ATXN1: variants seen among roughly 807,000 people sequenced by gnomAD.
ATXN1 encodes the protein ataxin-1.
In ATXN1, 8 loss-of-function variants were observed where a neutral mutation model predicts 56.4. The observed-to-expected ratio is 0.14, with a 90% CI of 0.08 to 0.26. ATXN1 has a LOEUF of 0.26. ATXN1 is among the 10% of genes least tolerant of loss of function. The probability of loss-of-function intolerance (pLI) is 1.00; values close to 1 mark genes in which losing one functional copy is unlikely to be tolerated. For synonymous variants in ATXN1, 514 were observed against 494.6 expected, an observed-to-expected ratio of 1.04 and a Z score of -0.52; for missense variants, 987 against 1,106.5, an observed-to-expected ratio of 0.89 and a Z score of 1.53.
At position 16,466,468 on chromosome 6, in the gene ATXN1, C is replaced by A. The variant is rs187949348; in HGVS notation, c.-161+19504G>T. 2.8e-3 allele frequency among the ~76,000 whole-genome samples: 419 copies of A among 151,432 alleles called. 6 individuals are homozygous for A. The South Asian group carries it at 0.029, about 10-fold the overall frequency. On this transcript the variant is annotated intron_variant, in intron 6 of 7. Transcript: ENST00000436367. ...TTTAGGATAGCGCAAGAGGGCAGTA[C>A]AATTGATATTGGCAGAAAAGAGAAA...
At chr6:16,619,964 C>T (rs1367700571) in intron 3 of ATXN1, among the ~76,000 whole-genome samples, 1 of 152,034 alleles carries the variant, frequency 6.6e-6, no homozygotes, top group Non-Finnish European at 1.5e-5. Context: ...CCTCTCTGAG[C>T]CTCAACTTCC....
At chr6:16,510,154 A>G (rs879636597) in intron 5 of ATXN1, among the ~76,000 whole-genome samples, 5 of 152,056 alleles carry the variant, frequency 3.3e-5, no homozygotes, top group Non-Finnish European at 7.4e-5. Context: ...TCCTTTTCAG[A>G]TCATAGGATT....
At chr6:16,729,926 C>G (rs1759930375) in intron 2 of ATXN1, among the ~76,000 whole-genome samples, 2 of 152,188 alleles carry the variant, frequency 1.3e-5, no homozygotes, top group Non-Finnish European at 2.9e-5. Context: ...TACCTTTCTT[C>G]CTTTTTCCCC....
At chr6:16,424,886 T>C (rs1759117774) in intron 6 of ATXN1, among the ~76,000 whole-genome samples, 1 of 152,182 alleles carries the variant, frequency 6.6e-6, no homozygotes, top group African/African-American at 2.4e-5. Context: ...AGTGTCACTG[T>C]TGGTGTTGCG....
chr6:16,303,437 C>G lies in ATXN1; in HGVS notation c.*2892G>C, dbSNP rs1760162609. The G allele has an allele frequency of 6.5e-6, 1 of 152,820 alleles. No individual in the cohort carries two copies. The highest frequency in any genetic ancestry group is 2.4e-5 in the African/African-American group (1 of 41,458). The allele number at this position is 152,820 out of a possible 1,614,324, so 9.5% of individuals were successfully genotyped here. On this transcript the variant is annotated 3_prime_UTR_variant, in exon 8 of 8. Coordinates refer to ENST00000436367, the MANE Select transcript of ATXN1 (RefSeq NM_001128164.2). The surrounding 1 kb of genome is among the most constrained non-coding windows in gnomAD (Gnocchi z 4.3). ...CTCTCTCCCTCCTGGCTCCTTCCCT[C>G]CAGCCCTGCTCTGGCCAGAATGGGG...
intron 2 of ATXN1, chr6:16,739,876 T>TG (rs1561832009): frequency 2.2e-6 from 1 of 457,042 alleles, no homozygotes; most frequent in Admixed American, 2.3e-5. Context: ...ACGAAGATCT[T>TG]GGGGCAAGAA....
At chr6:16,356,093 T>C (rs1674398206) in intron 6 of ATXN1, among the ~76,000 whole-genome samples, 1 of 152,240 alleles carries the variant, frequency 6.6e-6, no homozygotes, top group African/African-American at 2.4e-5. Flanking sequence ...AATATTCCTC[T>C]TGCTCACATC....
chr6:16,462,351 C>G (rs936423760), intron 6 of ATXN1, among the ~76,000 whole-genome samples: 5 of 152,182 alleles, frequency 3.3e-5, no homozygotes, highest in African/African-American at 1.2e-4. Flanking sequence ...ACCTGTGAAC[C>G]ATTGGAAGAT....
chr6:16,348,293 G>T (rs898570185), intron 6 of ATXN1, among the ~76,000 whole-genome samples: 3 of 152,080 alleles, frequency 2.0e-5, no homozygotes, highest in Admixed American at 6.5e-5. Context: ...TCAAACTCCT[G>T]GGCTTAAGCG....
chr6:16,561,553 A>G lies in ATXN1; in HGVS notation c.-361+24227T>C, dbSNP rs571713622. Among the ~76,000 whole-genome samples the G allele has an allele frequency of 2.0e-5, 3 of 152,354 alleles. No homozygotes were observed. In the East Asian group the frequency reaches 5.8e-4, roughly 29 times the overall value. Reference sequence around the variant, plus strand: ...TAAGGACAGGGGTTAAATTCTCAATATACTGTCTCATGAGTACATAGTTTA... The same window carrying G: ...TAAGGACAGGGGTTAAATTCTCAATGTACTGTCTCATGAGTACATAGTTTA... On this transcript the variant is annotated intron_variant, in intron 4 of 7. Coordinates refer to ENST00000436367, the MANE Select transcript of ATXN1 (RefSeq NM_001128164.2).
chr6:16,731,688 T>C (rs1440546222), intron 2 of ATXN1, among the ~76,000 whole-genome samples: 1 of 151,944 alleles, frequency 6.6e-6, no homozygotes, highest in Non-Finnish European at 1.5e-5. Context: ...CCATGATATC[T>C]CTGTATCATG....
At chr6:16,424,340 A>G (rs1223202576) in intron 6 of ATXN1, among the ~76,000 whole-genome samples, 2 of 152,168 alleles carry the variant, frequency 1.3e-5, no homozygotes, top group Non-Finnish European at 2.9e-5. Context: ...GGTGATTTGG[A>G]GCCATTTACG....
chr6:16,330,108 G>A (rs866633928), intron 6 of ATXN1, among the ~76,000 whole-genome samples: 21 of 152,140 alleles, frequency 1.4e-4, no homozygotes, highest in African/African-American at 4.1e-4. Context: ...GAGAGATGGG[G>A]TCTTGCTATG....
intron 6 of ATXN1, among the ~76,000 whole-genome samples, chr6:16,412,476 CA>C (rs1456289517): frequency 6.6e-6 from 1 of 152,102 alleles, no homozygotes; most frequent in Admixed American, 6.6e-5. Context: ...AACCAAACAA[CA>C]AAATAAAACT....
chr6:16,636,831 A>G (rs562133851), intron 3 of ATXN1, among the ~76,000 whole-genome samples: 1 of 152,298 alleles, frequency 6.6e-6, no homozygotes, highest in East Asian at 1.9e-4. Context: ...ACGGCCTGGG[A>G]ATAATAAAGG....
intron 2 of ATXN1, among the ~76,000 whole-genome samples, chr6:16,672,367 C>T (rs1033025634): frequency 3.3e-4 from 50 of 152,258 alleles, no homozygotes; most frequent in African/African-American, 1.1e-3. Flanking sequence ...ATTTTTATAA[C>T]ACTTCTTTTG....
intron 6 of ATXN1, among the ~76,000 whole-genome samples, chr6:16,474,579 G>A (rs537838663): frequency 6.6e-6 from 1 of 152,286 alleles, no homozygotes; most frequent in Admixed American, 6.5e-5. Flanking sequence ...GGGATGGCTT[G>A]TTACACAGTA....
chr6:16,628,345 C>T (rs1357618061), intron 3 of ATXN1, among the ~76,000 whole-genome samples: 2 of 152,154 alleles, frequency 1.3e-5, no homozygotes, highest in South Asian at 2.1e-4. Flanking sequence ...CATCAAAATC[C>T]CCGTTTCTTA....
At chr6:16,424,465 T>C (rs772954236) in intron 6 of ATXN1, among the ~76,000 whole-genome samples, 1 of 152,152 alleles carries the variant, frequency 6.6e-6, no homozygotes, top group Non-Finnish European at 1.5e-5. Context: ...CTTCGGCTAT[T>C]TAATAATAGT....
Sources: allele counts gnomAD v4.1 joint callset (sites outside exome capture counted in the v4.1 genomes callset), GRCh38; gene constraint gnomAD v4.1.1; non-coding constraint Gnocchi (gnomAD v3.1); transcripts MANE v1.5; gene names NCBI Gene and HGNC (gene_info 2026-07-23, HGNC 2026-07-21).